Variants in ARHGEF28 observed in about 807,000 individuals in gnomAD.
ARHGEF28 encodes Rho guanine nucleotide exchange factor 28, also known as 190 kDa guanine nucleotide exchange factor.
A neutral mutation model predicts 206.6 loss-of-function variants in ARHGEF28; 152 were observed. The ratio of observed to expected loss-of-function variants is 0.74; its 90% confidence interval spans 0.64 to 0.84. ARHGEF28 has a LOEUF of 0.84. Ranked by LOEUF, ARHGEF28 falls within the 40% of genes least tolerant of loss-of-function variation. The pLI, the probability that ARHGEF28 is intolerant of heterozygous loss-of-function variation, is 0.00. For synonymous variants in ARHGEF28, 763 were observed against 776.4 expected, an observed-to-expected ratio of 0.98 and a Z score of 0.29; for missense variants, 2,028 against 2,073.2, an observed-to-expected ratio of 0.98 and a Z score of 0.42.
chr5:73,800,322 G>A (rs76004016), intron 9 of ARHGEF28, among the ~76,000 whole-genome samples: 3,372 of 152,236 alleles, frequency 0.022, 52 homozygotes, highest in Middle Eastern at 0.034. Context: ...TTTTAATAAA[G>A]CATGTGGATT....
intron 1 of ARHGEF28, among the ~76,000 whole-genome samples, chr5:73,635,109 C>T (rs1399639229): frequency 1.1e-4 from 17 of 152,032 alleles, no homozygotes; most frequent in African/African-American, 2.4e-4. Flanking sequence ...TTTGGGAGCC[C>T]GAGGCAGGTG....
chr5:73,666,731 T>G (rs116487779), intron 1 of ARHGEF28, among the ~76,000 whole-genome samples: 1 of 152,170 alleles, frequency 6.6e-6, no homozygotes, highest in African/African-American at 2.4e-5. Context: ...GGAAGCCACC[T>G]GCCAGAAGCC....
Position 73,887,626 on chromosome 5 carries a change from G to C in ARHGEF28, c.3334G>C (p.Asp1112His). The change falls in exon 26 of 36, where the codon GAT (aspartate) becomes CAT (histidine). Residue 1112 changes from aspartate (D) to histidine (H), a missense_variant. Coordinates refer to ENST00000513042, the MANE Select transcript of ARHGEF28 (RefSeq NM_001177693.2). ...FKDILALLLT[D>H]VLLFLQEKDQ... The stretch of plus-strand genomic sequence containing the variant: ...AGATATCCTAGCTCTACTTCTAACT[G>C]ATGTGCTGCTCTTTTTACAAGAAAA... 6.4e-7 allele frequency: 1 copy of C among 1,571,410 alleles called. No individual in the cohort carries two copies. The highest frequency in any genetic ancestry group is 8.6e-7 in the Non-Finnish European group (1 of 1,156,772).
intron 22 of ARHGEF28, among the ~76,000 whole-genome samples, chr5:73,873,709 A>G (rs1367733224): frequency 6.6e-6 from 1 of 152,216 alleles, no homozygotes; most frequent in African/African-American, 2.4e-5. Flanking sequence ...TGTATGCAGA[A>G]AATGGGGGAG....
intron 1 of ARHGEF28, among the ~76,000 whole-genome samples, chr5:73,645,358 AGG>A (rs1435763699): frequency 1.3e-5 from 2 of 152,150 alleles, no homozygotes; most frequent in Admixed American, 6.5e-5. Flanking sequence ...TTAGGTTGTT[AGG>A]GTTTCCAATC....
At chr5:73,631,316 A>G (rs1743351002) in intron 1 of ARHGEF28, among the ~76,000 whole-genome samples, 1 of 152,176 alleles carries the variant, frequency 6.6e-6, no homozygotes. Flanking sequence ...TACTGTCTGT[A>G]CATTGTCACT....
chr5:73,790,507 C>G (rs1047008091), intron 7 of ARHGEF28, among the ~76,000 whole-genome samples: 1 of 152,124 alleles, frequency 6.6e-6, no homozygotes, highest in Non-Finnish European at 1.5e-5. Context: ...TTCTCCCCAG[C>G]TGCTGCTCAG....
chr5:73,857,128 C>T (rs1159616333), intron 14 of ARHGEF28, among the ~76,000 whole-genome samples: 1 of 152,104 alleles, frequency 6.6e-6, no homozygotes, highest in Non-Finnish European at 1.5e-5. Context: ...GGAGAGGCTG[C>T]ACCGAGTGGC....
chr5:73,837,206 A>G (rs945964661), intron 10 of ARHGEF28, among the ~76,000 whole-genome samples: 1 of 151,990 alleles, frequency 6.6e-6, no homozygotes, highest in Non-Finnish European at 1.5e-5. Flanking sequence ...AAAAATTGCC[A>G]TTATAATTTT....
intron 1 of ARHGEF28, among the ~76,000 whole-genome samples, chr5:73,649,008 T>C (rs966371756): frequency 6.6e-6 from 1 of 152,226 alleles, no homozygotes; most frequent in Non-Finnish European, 1.5e-5. Flanking sequence ...GGTGTTATAA[T>C]GTGTGTATGT....
intron 4 of ARHGEF28, among the ~76,000 whole-genome samples, chr5:73,755,651 C>A (rs1019175975): frequency 1.2e-4 from 18 of 152,112 alleles, no homozygotes; most frequent in African/African-American, 3.6e-4. Flanking sequence ...AGTATTTAAT[C>A]CGTGGATTGC....
intron 18 of ARHGEF28, among the ~76,000 whole-genome samples, chr5:73,866,789 G>A (rs756480651): frequency 6.6e-6 from 1 of 152,170 alleles, no homozygotes; most frequent in Non-Finnish European, 1.5e-5. Flanking sequence ...TTGCTTTATT[G>A]TGAGAGATTT....
chr5:73,813,183 C>G (rs1755948189), intron 9 of ARHGEF28, among the ~76,000 whole-genome samples: 1 of 152,148 alleles, frequency 6.6e-6, no homozygotes, highest in Non-Finnish European at 1.5e-5. Flanking sequence ...CACTGGGAGG[C>G]TTTTCTTGAA....
intron 9 of ARHGEF28, chr5:73,813,628 C>A: frequency 6.5e-7 from 1 of 1,535,848 alleles, no homozygotes. Context: ...CTACTCGTGG[C>A]CTTCCTTTCC....
intron 1 of ARHGEF28, among the ~76,000 whole-genome samples, chr5:73,641,663 C>T (rs1453838818): frequency 6.6e-6 from 1 of 152,086 alleles, no homozygotes; most frequent in Non-Finnish European, 1.5e-5. Flanking sequence ...AGGGATCTCT[C>T]ATAATTAGCA....
chr5:73,663,106 C>A (rs1349439623), intron 1 of ARHGEF28, among the ~76,000 whole-genome samples: 4 of 152,180 alleles, frequency 2.6e-5, no homozygotes, highest in Non-Finnish European at 4.4e-5. Flanking sequence ...CAGGTGCACA[C>A]CACCACACCT....
At chr5:73,840,901 T>G (rs1757949623) in intron 11 of ARHGEF28, 141 bp downstream of exon 11, 3 of 933,816 alleles carry the variant, frequency 3.2e-6, no homozygotes, top group South Asian at 3.7e-5. Flanking sequence ...GGTTCCTATA[T>G]TCACTGATTT....
chr5:73,858,875 T>C (rs771145126), intron 16 of ARHGEF28, among the ~76,000 whole-genome samples: 16 of 152,308 alleles, frequency 1.1e-4, no homozygotes, highest in Middle Eastern at 3.4e-3. Context: ...TGACAGCAAG[T>C]TCCCATGTGA....
rs283623 is a variant in ARHGEF28, at chr5:73,902,824, G to C, written c.4075-1398G>C. On this transcript the variant is annotated intron_variant, in intron 31 of 35. Transcript: ENST00000513042. The stretch of plus-strand genomic sequence containing the variant: ...GTGGCTTTTGGGCATAAGTAACCGC[G>C]GGTAGCACAGTCCAACTCATTTCTA... 2.0e-5 allele frequency: 3 copies of C among 152,062 alleles called. No individual in the cohort carries two copies. In the East Asian group the frequency reaches 5.8e-4, roughly 29 times the overall value. The allele number at this position is 152,062 out of a possible 1,614,324, so 9.4% of individuals were successfully genotyped here. A position where few individuals can be genotyped will look rare whatever the true frequency, so the allele number is the denominator to read the frequency against.
Sources: allele counts gnomAD v4.1 joint callset (sites outside exome capture counted in the v4.1 genomes callset), GRCh38; gene constraint gnomAD v4.1.1; transcripts MANE v1.5; gene names NCBI Gene and HGNC (gene_info 2026-07-23, HGNC 2026-07-21).